The following NTRK3 variants were observed in gnomAD, a reference collection of about 807,000 sequenced individuals.
The protein encoded by NTRK3 is NT-3 growth factor receptor.
NTRK3 carries 24 observed loss-of-function variants against 91.7 expected under a neutral mutation model. That is an observed-to-expected ratio of 0.26 (90% CI 0.19 to 0.37). NTRK3 has a LOEUF of 0.37. Ranked by LOEUF, NTRK3 falls within the 10% of genes least tolerant of loss-of-function variation. The pLI is 1.00. For synonymous variants in NTRK3, 483 were observed against 404.0 expected (o/e 1.20, Z -2.34); for missense variants, 880 against 1,068.9 (o/e 0.82, Z 2.46).
chr15:88,181,484 C>T (rs944908621), intron 5 of NTRK3, among the ~76,000 whole-genome samples: 1 of 152,140 alleles, frequency 6.6e-6, no homozygotes, highest in Non-Finnish European at 1.5e-5. Context: ...GTCCTGAAGC[C>T]TCTCCATCTC....
chr15:87,982,041 G>C (rs952094272), intron 14 of NTRK3, among the ~76,000 whole-genome samples: 9 of 152,132 alleles, frequency 5.9e-5, no homozygotes, highest in Admixed American at 2.6e-4. Context: ...CAGCATTTGT[G>C]GGCCCTGGAA....
intron 13 of NTRK3, among the ~76,000 whole-genome samples, chr15:88,066,646 C>G (rs2046674797): frequency 6.6e-6 from 1 of 152,172 alleles, no homozygotes; most frequent in South Asian, 2.1e-4. Context: ...GTGCCTCTCC[C>G]AAGCTTATCC....
chr15:88,093,483 T>C (rs2049242550), intron 13 of NTRK3, among the ~76,000 whole-genome samples: 1 of 152,192 alleles, frequency 6.6e-6, no homozygotes, highest in South Asian at 2.1e-4. Context: ...TGGATGGGTG[T>C]CAGTTTCTCT....
rs551319206 is a variant in NTRK3 at position 87,930,697 on chromosome 15, T to G, written c.1890-1263A>C. On this transcript the variant is annotated intron_variant, in intron 16 of 18. Coordinates refer to ENST00000394480, the Ensembl canonical transcript of NTRK3. ...CAGGATGCCTCCCAGGAAGGGTTGG[T>G]GCGGCCTGTTGCTAAGAGCTTCTGG... 1.6e-4 allele frequency among the ~76,000 whole-genome samples: 24 copies of G among 152,256 alleles called. 1 individual carries two copies. The highest frequency in any genetic ancestry group is 5.8e-4 in the African/African-American group (24 of 41,556).
rs78450908 is a variant in NTRK3, at chr15:88,137,565, T to C, written c.465-4A>G. On this transcript the variant is annotated splice_polypyrimidine_tract_variant and splice_region_variant and intron_variant, in intron 6 of 18. Coordinates refer to ENST00000394480, the Ensembl canonical transcript of NTRK3. ...GAAAAAGTTCTGCTCCAACTGCCTG[T>C]CGGCAAAGAGAGAGGGGAAGGGAAC... 7.9e-5 allele frequency: 128 copies of C among 1,613,548 alleles called. No homozygotes were observed. In the East Asian group the frequency reaches 1.0e-3, roughly 13 times the overall value.
At chr15:88,208,830 T>C (rs2049004116) in intron 3 of NTRK3, among the ~76,000 whole-genome samples, 1 of 152,132 alleles carries the variant, frequency 6.6e-6, no homozygotes, top group Admixed American at 6.5e-5. Context: ...CCCTCAGAGA[T>C]TGCAATTTCA....
intron 10 of NTRK3, among the ~76,000 whole-genome samples, chr15:88,132,599 AT>A (rs1375749440): frequency 1.3e-5 from 2 of 152,266 alleles, no homozygotes; most frequent in Non-Finnish European, 2.9e-5. Context: ...AGAAACACAC[AT>A]GATAATCACG....
intron 3 of NTRK3, among the ~76,000 whole-genome samples, chr15:88,202,988 C>T (rs2048431747): frequency 6.6e-6 from 1 of 152,188 alleles, no homozygotes; most frequent in African/African-American, 2.4e-5. Flanking sequence ...CAGACCTTCC[C>T]ACTTTTTGAT....
chr15:88,213,383 G>A (rs890777686), intron 3 of NTRK3, among the ~76,000 whole-genome samples: 6 of 152,156 alleles, frequency 3.9e-5, no homozygotes, highest in Non-Finnish European at 7.3e-5. Flanking sequence ...AAATAAAGGC[G>A]GGACAAGGAC....
chr15:88,056,441 C>G (rs542284226), intron 13 of NTRK3, among the ~76,000 whole-genome samples: 69 of 152,094 alleles, frequency 4.5e-4, no homozygotes, highest in African/African-American at 1.2e-3. Context: ...AGTAAATATT[C>G]TACCTATGGT....
At chr15:87,864,285 A>C (rs1413665596) in exon 19 of NTRK3, 3 of 232,074 alleles carry the variant, frequency 1.3e-5, no homozygotes, top group South Asian at 1.8e-4. Context: ...TCCACATCTG[A>C]TAGAATTGGA....
chr15:87,908,206 G>A (rs901688812), intron 17 of NTRK3, among the ~76,000 whole-genome samples: 3 of 152,196 alleles, frequency 2.0e-5, no homozygotes, highest in African/African-American at 7.2e-5. Context: ...TGGCAGCCAT[G>A]TGAACTCCAG....
intron 14 of NTRK3, among the ~76,000 whole-genome samples, chr15:88,016,859 T>A (rs1490700904): frequency 1.3e-5 from 2 of 150,712 alleles, no homozygotes; most frequent in Non-Finnish European, 3.0e-5. Context: ...TCTGGGGATA[T>A]TTTTTTTTCT....
At chr15:88,101,998 T>TA (rs2050223895) in intron 13 of NTRK3, among the ~76,000 whole-genome samples, 2 of 151,866 alleles carry the variant, frequency 1.3e-5, no homozygotes, top group Non-Finnish European at 2.9e-5. Context: ...ACATGTACCC[T>TA]AAAACTTAAA....
chr15:87,875,966 G>T (rs1344415736), exon 19 of NTRK3: 2 of 232,034 alleles, frequency 8.6e-6, no homozygotes, highest in Non-Finnish European at 1.7e-5. Flanking sequence ...ATGGGGACCT[G>T]TTTCCTAACC....
At chr15:88,033,237 T>A (rs941470009) in intron 13 of NTRK3, among the ~76,000 whole-genome samples, 192 bp from the exon 14 acceptor site, 3 of 126,822 alleles carry the variant, frequency 2.4e-5, no homozygotes, top group Non-Finnish European at 5.2e-5. Context: ...TTTGGGTTTC[T>A]GGTGTATTTT....
In NTRK3 at chr15:87,964,956, T is replaced by TTG. The variant is rs1317572049; in HGVS notation, c.1586-24205_1586-24204dup. ...CTGCTATGAACATTTCTGTGCAAGT[T>TTG]TGTGTGTGTGTATATGTGTGTATTT... On this transcript the variant is annotated intron_variant, in intron 14 of 18. Transcript: ENST00000394480. Among the ~76,000 whole-genome samples the TTG allele has an allele frequency of 3.9e-5, 6 of 152,300 alleles. No individual in the cohort carries two copies. In the East Asian group the frequency reaches 7.7e-4, roughly 20 times the overall value.
chr15:88,187,228 C>T (rs537337828), intron 3 of NTRK3, among the ~76,000 whole-genome samples: 16 of 152,262 alleles, frequency 1.1e-4, no homozygotes, highest in Non-Finnish European at 2.1e-4. Flanking sequence ...GGGAAGGAAA[C>T]CTGTCATTCA....
intron 5 of NTRK3, among the ~76,000 whole-genome samples, chr15:88,169,606 T>C (rs1297784247): frequency 2.0e-5 from 3 of 152,172 alleles, no homozygotes; most frequent in Non-Finnish European, 2.9e-5. Flanking sequence ...GGAGACAGGG[T>C]ACCTGGAATC....
Sources: gnomAD v4.1 joint callset for allele counts (sites outside exome capture counted in the v4.1 genomes callset) on GRCh38, gnomAD v4.1.1 for gene constraint, MANE v1.5 for transcripts, NCBI Gene and HGNC (gene_info 2026-07-23, HGNC 2026-07-21) for gene names.